Variants in TANC1 observed in about 807,000 individuals in gnomAD.
TANC1 encodes protein TANC1.
A neutral mutation model predicts 149.7 loss-of-function variants in TANC1; 77 were observed. The observed-to-expected ratio is 0.51, with a 90% CI of 0.43 to 0.62. The LOEUF is 0.62. Ranked by LOEUF, TANC1 falls within the 20% of genes least tolerant of loss-of-function variation. The probability of loss-of-function intolerance (pLI) is 0.00; values close to 1 mark genes in which losing one functional copy is unlikely to be tolerated. For missense variants in TANC1, 1,985 were observed against 2,321.8 expected, an observed-to-expected ratio of 0.85 and a Z score of 2.98; for synonymous variants, 854 against 925.0, an observed-to-expected ratio of 0.92 and a Z score of 1.39.
At chr2:158,984,228 A>G (rs1322466244) in intron 1 of TANC1, among the ~76,000 whole-genome samples, 1 of 152,240 alleles carries the variant, frequency 6.6e-6, no homozygotes, top group African/African-American at 2.4e-5. Flanking sequence ...GGACCCTTTT[A>G]ACTGTCCCAA....
At chr2:158,973,618 C>A (rs2033217932) in intron 1 of TANC1, among the ~76,000 whole-genome samples, 1 of 152,110 alleles carries the variant, frequency 6.6e-6, no homozygotes, top group Admixed American at 6.5e-5. Context: ...TACGGTTAGA[C>A]CCATAAAATG....
intron 23 of TANC1, chr2:159,225,417 A>T (rs1178095363): frequency 1.9e-6 from 1 of 527,884 alleles, no homozygotes; most frequent in Non-Finnish European, 3.4e-6. Flanking sequence ...CCCACATCCC[A>T]CCCGGAAGGG....
chr2:159,097,305 CT>C (rs2046242219), intron 3 of TANC1, among the ~76,000 whole-genome samples: 1 of 152,144 alleles, frequency 6.6e-6, no homozygotes, highest in Non-Finnish European at 1.5e-5. Flanking sequence ...TCTCCTTTTC[CT>C]TTTCTGAGAT....
intron 1 of TANC1, among the ~76,000 whole-genome samples, chr2:158,991,662 C>T (rs981065857): frequency 6.6e-6 from 1 of 151,976 alleles, no homozygotes; most frequent in Non-Finnish European, 1.5e-5. Flanking sequence ...GGGAGAATGG[C>T]GTGAACCTGG....
Position 159,230,106 on chromosome 2 carries a change from C to T in TANC1, c.4680C>T (p.Asn1560=). 3 of 1,614,008 alleles carry T rather than the reference C, an allele frequency of 1.9e-6. No homozygotes were observed. The change falls in exon 27 of 27, where the codon AAC becomes AAT. Residue 1560 remains asparagine, a synonymous_variant. Coordinates refer to ENST00000263635, the MANE Select transcript of TANC1 (RefSeq NM_033394.3). The surrounding 1 kb of genome is among the most constrained non-coding windows in gnomAD (Gnocchi z 4.4). Reference sequence around the variant, plus strand: ...TGAAAGTTCAGATCTCTTCTCAGAACCCTCCTCCAAGTCCCATGCCAGGGA... The same window carrying T: ...TGAAAGTTCAGATCTCTTCTCAGAATCCTCCTCCAAGTCCCATGCCAGGGA... ...GSMKVQISSQ[N]PPPSPMPGRI... is the part of the protein sequence containing the mutation.
Position 159,230,403 on chromosome 2 carries a change from C to T in TANC1, c.4977C>T (p.Ser1659=), listed in dbSNP as rs1449272821. 3 of 1,614,166 alleles carry T rather than the reference C, an allele frequency of 1.9e-6. No individual in the cohort carries two copies. Among genetic ancestry groups the T allele is most frequent in the Non-Finnish European group, 2.5e-6 (3 of 1,180,038 alleles). Residue 1659 remains serine (S), a synonymous_variant, in exon 27 of 27, where the codon TCC becomes TCT. Transcript: ENST00000263635. This position sits in a 1 kb window ranked among gnomAD's most constrained non-coding sequence, Gnocchi z 4.4. ...GCAGCGACGTGCGACACCCAGCTTC[C>T]CTCACCAGCTCAGGCTCTTCTGGTT... ...ATCSDVRHPA[S]LTSSGSSGSP...
chr2:159,214,974 T>A (rs2059252608), intron 19 of TANC1, among the ~76,000 whole-genome samples: 2 of 152,150 alleles, frequency 1.3e-5, no homozygotes, highest in African/African-American at 4.8e-5. Context: ...GGCCCTGAGC[T>A]CCCTGGGCTG....
intron 16 of TANC1, among the ~76,000 whole-genome samples, chr2:159,187,746 A>G (rs1458805492): frequency 6.6e-6 from 1 of 152,142 alleles, no homozygotes; most frequent in Non-Finnish European, 1.5e-5. Context: ...TTCCCCCCGA[A>G]TCACTCACAT....
chr2:159,211,641 G>A (rs900900196), intron 19 of TANC1, among the ~76,000 whole-genome samples: 1 of 152,206 alleles, frequency 6.6e-6, no homozygotes, highest in Non-Finnish European at 1.5e-5. Context: ...TCTTGTGTTC[G>A]TAAGTCCCTG....
intron 8 of TANC1, among the ~76,000 whole-genome samples, chr2:159,165,340 G>T (rs541112686): frequency 6.6e-6 from 1 of 152,218 alleles, no homozygotes; most frequent in Non-Finnish European, 1.5e-5. Context: ...TAGACCTCCT[G>T]TGGAATGGGA....
In TANC1 at chr2:159,230,959, A is replaced by G; in HGVS notation, c.5533A>G (p.Ser1845Gly). ...QPHISNEAHRSHLTAAKPKRS... is the reference protein window; with the variant it reads ...QPHISNEAHRGHLTAAKPKRS... ...TCATATTAGTAATGAAGCCCACAGG[A>G]GCCACCTCACTGCAGCCAAACCAAA... Residue 1845 changes from serine to glycine, a missense_variant, in exon 27 of 27, where the codon AGC becomes GGC. Transcript: ENST00000263635. The surrounding 1 kb of genome is among the most constrained non-coding windows in gnomAD (Gnocchi z 4.4). The G allele has an allele frequency of 6.2e-7, 1 of 1,614,090 alleles. No individual in the cohort carries two copies. The highest frequency in any genetic ancestry group is 8.5e-7 in the Non-Finnish European group (1 of 1,180,024).
chr2:159,075,700 A>G (rs2043603261), intron 3 of TANC1, among the ~76,000 whole-genome samples: 1 of 152,150 alleles, frequency 6.6e-6, no homozygotes, highest in South Asian at 2.1e-4. Context: ...AAAAAAGCCT[A>G]AGATTTTATT....
chr2:159,038,075 C>G (rs1365505074), intron 2 of TANC1, among the ~76,000 whole-genome samples: 1 of 152,070 alleles, frequency 6.6e-6, no homozygotes, highest in Non-Finnish European at 1.5e-5. Flanking sequence ...CTTCACATCC[C>G]TTGTAAGTTG....
intron 1 of TANC1, among the ~76,000 whole-genome samples, chr2:158,980,555 T>A (rs1469947586): frequency 6.6e-6 from 1 of 152,066 alleles, no homozygotes; most frequent in Non-Finnish European, 1.5e-5. Context: ...AGTGGGCAGA[T>A]CACGAGGTCA....
intron 5 of TANC1, chr2:159,148,429 G>A (rs1191874763): frequency 6.6e-6 from 1 of 152,238 alleles, no homozygotes; most frequent in Admixed American, 6.5e-5. Context: ...GAGAACCCAA[G>A]AAAAGGTGGG....
At chr2:159,158,966 G>A (rs1000963553) in intron 7 of TANC1, among the ~76,000 whole-genome samples, 5 of 152,228 alleles carry the variant, frequency 3.3e-5, no homozygotes, top group African/African-American at 1.2e-4. Flanking sequence ...TGTGGCATAT[G>A]TTTGGTATCT....
intron 3 of TANC1, among the ~76,000 whole-genome samples, chr2:159,084,816 C>T (rs976514457): frequency 1.3e-5 from 2 of 152,050 alleles, no homozygotes; most frequent in African/African-American, 4.8e-5. Context: ...CAGTATACAC[C>T]TTGGTTAGGG....
rs914233557 is a variant in TANC1 at position 159,223,302 on chromosome 2, C to CTT, written c.3679-920_3679-919dup. 3.2e-4 allele frequency among the ~76,000 whole-genome samples: 47 copies of CTT among 147,022 alleles called. No individual in the cohort carries two copies. In the Admixed American group the frequency reaches 3.2e-3, roughly 10 times the overall value. ...TCTGAGGTGCTTTTTTTAATAGTAGCTTTTTTTTTTTAATTGTAGCCATCG... is the reference window on the plus strand; with the variant it reads ...TCTGAGGTGCTTTTTTTAATAGTAGCTTTTTTTTTTTTTAATTGTAGCCATCG... On this transcript the variant is annotated intron_variant, in intron 22 of 26. Coordinates refer to ENST00000263635, the MANE Select transcript of TANC1 (RefSeq NM_033394.3).
chr2:159,083,748 T>C (rs780745300), intron 3 of TANC1, among the ~76,000 whole-genome samples: 5 of 152,212 alleles, frequency 3.3e-5, no homozygotes, highest in Non-Finnish European at 7.3e-5. Context: ...TTCCATTTTA[T>C]ATTTGAGAAT....
Sources: allele counts gnomAD v4.1 joint callset (sites outside exome capture counted in the v4.1 genomes callset), GRCh38; gene constraint gnomAD v4.1.1; non-coding constraint Gnocchi (gnomAD v3.1); transcripts MANE v1.5; gene names NCBI Gene and HGNC (gene_info 2026-07-23, HGNC 2026-07-21).